CLASP2: variants seen among roughly 807,000 people sequenced by gnomAD.
The protein encoded by CLASP2 is CLIP-associating protein 2.
In CLASP2, 47 loss-of-function variants were observed where a neutral mutation model predicts 194.4. The observed-to-expected ratio is 0.24, with a 90% CI of 0.19 to 0.31. The LOEUF is 0.31. Ranked by LOEUF, CLASP2 falls within the 10% of genes least tolerant of loss-of-function variation. CLASP2 has a pLI of 1.00. For synonymous variants in CLASP2, 619 were observed against 633.5 expected (o/e 0.98, Z 0.34); for missense variants, 1,445 against 1,823.6 (o/e 0.79, Z 3.78).
At position 33,688,785 on chromosome 3, in the gene CLASP2, G is replaced by A. The variant is rs188751644; in HGVS notation, c.379-417C>T. Among the ~76,000 whole-genome samples, 20 of 152,062 alleles carry A rather than the reference G, an allele frequency of 1.3e-4. No individual in the cohort carries two copies. The East Asian group carries it at 3.7e-3, about 28-fold the overall frequency. The stretch of plus-strand genomic sequence containing the variant: ...TAATATAGACTCACATGGAACAGGC[G>A]CTTTTTTTTTGGACATTTTATAATT... On this transcript the variant is annotated intron_variant, in intron 3 of 38. Transcript: ENST00000682230.
intron 7 of CLASP2, among the ~76,000 whole-genome samples, chr3:33,650,472 T>C (rs1394851453): frequency 6.6e-6 from 1 of 152,158 alleles, no homozygotes; most frequent in Non-Finnish European, 1.5e-5. Context: ...AAGATAAGCA[T>C]ATTAAAATAT....
intron 30 of CLASP2, 77 bp from the exon 31 acceptor site, chr3:33,544,918 G>A (rs555269737): frequency 8.8e-6 from 9 of 1,027,616 alleles, no homozygotes; most frequent in East Asian, 2.8e-5. Flanking sequence ...CTACATTTCT[G>A]TTCAATAGCA....
intron 24 of CLASP2, 63 bp from the exon 25 acceptor site, chr3:33,573,417 C>T (rs1444737419): frequency 6.6e-7 from 1 of 1,507,106 alleles, no homozygotes; most frequent in Non-Finnish European, 9.1e-7. Flanking sequence ...TTCATAATTT[C>T]TACTGACCAC....
chr3:33,585,085 C>T (rs994184297), intron 21 of CLASP2, among the ~76,000 whole-genome samples, 165 bp from the exon 22 acceptor site: 1 of 151,150 alleles, frequency 6.6e-6, no homozygotes, highest in African/African-American at 2.4e-5. Context: ...ATAATTATAA[C>T]CTGGAAAAAA....
intron 12 of CLASP2, 74 bp downstream of exon 12, chr3:33,619,529 G>C: frequency 7.3e-7 from 1 of 1,363,132 alleles, no homozygotes; most frequent in Non-Finnish European, 9.7e-7. Context: ...GGGGAAAGGA[G>C]AGAAAAAGGG....
At chr3:33,506,925 CA>C (rs2154081025) in intron 37 of CLASP2, among the ~76,000 whole-genome samples, 2 of 149,644 alleles carry the variant, frequency 1.3e-5, no homozygotes, top group East Asian at 3.9e-4. Flanking sequence ...TGTTCTTTTT[CA>C]AGTTGATTAG....
At chr3:33,522,841 C>T (rs1355755935) in intron 34 of CLASP2, among the ~76,000 whole-genome samples, 22 of 152,110 alleles carry the variant, frequency 1.4e-4, no homozygotes, top group Admixed American at 8.5e-4. Context: ...GAGGCTGAGG[C>T]GGGCGGATCA....
At chr3:33,614,691 G>A (rs1374230040) in intron 12 of CLASP2, among the ~76,000 whole-genome samples, 8 of 152,092 alleles carry the variant, frequency 5.3e-5, no homozygotes, top group African/African-American at 7.2e-5. Flanking sequence ...GGTGGCTCAC[G>A]CCTGTAATCC....
chr3:33,592,331 A>G, intron 21 of CLASP2, 64 bp downstream of exon 21: 2 of 1,164,676 alleles, frequency 1.7e-6, no homozygotes, highest in South Asian at 2.6e-5. Context: ...ATACAGTAAT[A>G]CAAAAGCAAC....
chr3:33,507,279 C>G (rs1211946658), intron 37 of CLASP2, among the ~76,000 whole-genome samples: 1 of 152,018 alleles, frequency 6.6e-6, no homozygotes, highest in Non-Finnish European at 1.5e-5. Flanking sequence ...TTGATAACCT[C>G]CTCTTCCTCT....
At chr3:33,590,493 C>T (rs926248063) in intron 21 of CLASP2, among the ~76,000 whole-genome samples, 11 of 152,144 alleles carry the variant, frequency 7.2e-5, no homozygotes, top group Non-Finnish European at 1.3e-4. Flanking sequence ...TGGAAGCACA[C>T]GTCTTCTAAC....
In CLASP2 at chr3:33,593,141, A is replaced by G. The variant is rs181295118; in HGVS notation, c.1967-645T>C. ...TACCTCCCGAACTGCACTCCTTTCT[A>G]TTCTACCACTCTGCCTCATTCCCCT... On this transcript the variant is annotated intron_variant, in intron 20 of 38. Transcript: ENST00000682230. 2.0e-4 allele frequency among the ~76,000 whole-genome samples: 31 copies of G among 152,250 alleles called. No homozygotes were observed. In the East Asian group the frequency reaches 5.8e-3, roughly 28 times the overall value.
intron 35 of CLASP2, 88 bp downstream of exon 35, chr3:33,516,893 A>T: frequency 8.9e-7 from 1 of 1,127,918 alleles, no homozygotes; most frequent in Non-Finnish European, 1.3e-6. Flanking sequence ...TCATTCTCCC[A>T]ATTGCTAAAT....
intron 34 of CLASP2, among the ~76,000 whole-genome samples, chr3:33,519,111 A>G (rs2052246415): frequency 6.6e-6 from 1 of 152,228 alleles, no homozygotes; most frequent in Admixed American, 6.5e-5. Context: ...GATCATTAAT[A>G]TTAATTTTCC....
intron 14 of CLASP2, 32 bp from the exon 15 acceptor site, chr3:33,607,493 A>G: frequency 6.8e-7 from 1 of 1,469,622 alleles, no homozygotes. Flanking sequence ...TAGAGTTATG[A>G]TATAGCTGTA....
chr3:33,701,682 C>A (rs1048374819), intron 1 of CLASP2, among the ~76,000 whole-genome samples: 1 of 152,182 alleles, frequency 6.6e-6, no homozygotes. Flanking sequence ...TGATCTCCAA[C>A]AACTGTGCAA....
Position 33,596,722 on chromosome 3 carries a change from T to C in CLASP2, c.1937A>G (p.Asp646Gly). 6.4e-7 allele frequency: 1 copy of C among 1,567,994 alleles called. No individual in the cohort carries two copies. ...AAGGAAGTTCTTACCATCCAGCTTG[T>C]CAGAAGTATCCTCTTTGATGAAAGC... ...GSYASLEDTS[D>G]KLDGTASEDG... The change falls in exon 19 of 39, where the codon GAC (aspartate) becomes GGC (glycine). Residue 646 changes from aspartate (D) to glycine (G), a missense_variant. This residue lies in a region of CLASP2 where 174 missense variants were observed against 179.0 expected (regional missense o/e 0.97). Coordinates refer to ENST00000682230, the MANE Select transcript of CLASP2 (RefSeq NM_001365631.1).
At chr3:33,665,603 A>C (rs1336727477) in intron 6 of CLASP2, among the ~76,000 whole-genome samples, 5 of 152,194 alleles carry the variant, frequency 3.3e-5, no homozygotes, top group African/African-American at 4.8e-5. Flanking sequence ...CTTTCAAGTA[A>C]AATTAACATC....
chr3:33,572,699 T>C (rs2064018131), intron 25 of CLASP2, among the ~76,000 whole-genome samples: 1 of 152,170 alleles, frequency 6.6e-6, no homozygotes, highest in East Asian at 1.9e-4. Context: ...ACATATTACA[T>C]GCACACTAAG....
Sources: allele counts gnomAD v4.1 joint callset (sites outside exome capture counted in the v4.1 genomes callset), GRCh38; gene constraint gnomAD v4.1.1; regional missense constraint gnomAD v4.1.1; transcripts MANE v1.5; gene names NCBI Gene and HGNC (gene_info 2026-07-23, HGNC 2026-07-21).